The following RET variants were observed in gnomAD, a reference collection of about 807,000 sequenced individuals.
The protein encoded by RET is ret proto-oncogene.
Under a neutral mutation model 118.3 loss-of-function variants are expected in RET, and 19 were observed. The observed-to-expected ratio is 0.16, with a 90% CI of 0.11 to 0.24. RET has a LOEUF of 0.24. Ranked by LOEUF, RET falls within the 10% of genes least tolerant of loss-of-function variation. The probability of loss-of-function intolerance (pLI) is 1.00; values close to 1 mark genes in which losing one functional copy is unlikely to be tolerated. For missense variants in RET, 1,219 were observed against 1,502.1 expected, an observed-to-expected ratio of 0.81 and a Z score of 3.12; for synonymous variants, 597 against 644.1, an observed-to-expected ratio of 0.93 and a Z score of 1.11.
In RET at chr10:43,119,514, C is replaced by T. The variant is rs1370176408; in HGVS notation, c.2393-17C>T. On this transcript the variant is annotated splice_polypyrimidine_tract_variant and intron_variant, in intron 13 of 19. Coordinates refer to ENST00000355710, the MANE Select transcript of RET (RefSeq NM_020975.6). ...TGCCTGACCCGCACGCCCAGGGCCC[C>T]CTCTCTCCGCCCCCAGGCCCGCTCC... The T allele has an allele frequency of 6.3e-7, 1 of 1,583,770 alleles. No homozygotes were observed. The highest frequency in any genetic ancestry group is 1.3e-5 in the African/African-American group (1 of 74,210).
chr10:43,087,250 C>A (rs1223868219), intron 1 of RET, among the ~76,000 whole-genome samples: 2 of 152,262 alleles, frequency 1.3e-5, no homozygotes, highest in South Asian at 4.1e-4. Context: ...GCTGCTCTTC[C>A]AGCTACTGGC....
chr10:43,078,864 C>T (rs951861306), intron 1 of RET, among the ~76,000 whole-genome samples: 1 of 152,236 alleles, frequency 6.6e-6, no homozygotes, highest in Non-Finnish European at 1.5e-5. Context: ...GATGGTGAGC[C>T]CCTAGCCCCT....
rs1554817349 is a variant in RET at position 43,100,454 on chromosome 10, C to T, written c.74-5C>T. ...ATCCCTCACTCACTTCCCTACTTCCCACAGTGGCATTGGGCCTCTACTTCT... is the reference window on the plus strand; with the variant it reads ...ATCCCTCACTCACTTCCCTACTTCCTACAGTGGCATTGGGCCTCTACTTCT... On this transcript the variant is annotated splice_polypyrimidine_tract_variant and splice_region_variant and intron_variant, in intron 1 of 19. Coordinates refer to ENST00000355710, the MANE Select transcript of RET (RefSeq NM_020975.6). The T allele has an allele frequency of 6.2e-7, 1 of 1,613,498 alleles. No individual in the cohort carries two copies. The highest frequency in any genetic ancestry group is 8.5e-7 in the Non-Finnish European group (1 of 1,179,976).
intron 19 of RET, 198 bp downstream of exon 19, chr10:43,126,920 T>C (rs2075913): frequency 2.8e-6 from 4 of 1,436,540 alleles, no homozygotes; most frequent in South Asian, 1.5e-5. Flanking sequence ...TCTAAAAGGA[T>C]GTGAAAATAA....
chr10:43,111,384 C>G lies in RET; in HGVS notation c.1441C>G (p.Leu481Val), dbSNP rs767210575. The G allele has an allele frequency of 1.2e-5, 19 of 1,614,026 alleles. No individual in the cohort carries two copies. In the East Asian group the frequency reaches 3.1e-4, roughly 27 times the overall value. ...CCTGCGGCGGCCCAAGTGTGCCGAA[C>G]TTCACTACATGGTGGTGGCCACCGA... is the stretch of plus-strand genomic sequence containing the variant. ...KALRRPKCAE[L>V]HYMVVATDQQ... Residue 481 changes from leucine to valine, a missense_variant, in exon 7 of 20, where the codon CTT becomes GTT. By Grantham distance (32) the Leu-to-Val change is conservative. Coordinates refer to ENST00000355710, the MANE Select transcript of RET (RefSeq NM_020975.6).
Position 43,129,475 on chromosome 10 carries a change from CAT to C in RET, c.*1208_*1209del, listed in dbSNP as rs1371914926. 1 of 234,142 alleles carries C rather than the reference CAT, an allele frequency of 4.3e-6. No individual in the cohort carries two copies. Among genetic ancestry groups the C allele is most frequent in the Admixed American group, 5.6e-5 (1 of 17,788 alleles). 14.5% of individuals were successfully genotyped at this position (234,142 alleles called of 1,614,324 possible). A position where few individuals can be genotyped will look rare whatever the true frequency, so the allele number is the denominator to read the frequency against. On this transcript the variant is annotated 3_prime_UTR_variant, in exon 20 of 20. Transcript: ENST00000355710. ...TGTTTCTTAGATTCTGACCATGACT[CAT>C]AAGCTTCTTGTCATTCTTCATTGCT...
chr10:43,084,914 AG>A (rs1051160927), intron 1 of RET, among the ~76,000 whole-genome samples: 1 of 152,208 alleles, frequency 6.6e-6, no homozygotes, highest in African/African-American at 2.4e-5. Flanking sequence ...ACTCAGCAGC[AG>A]GGGAACCAGG....
intron 1 of RET, among the ~76,000 whole-genome samples, chr10:43,079,339 G>A (rs1837126546): frequency 6.6e-6 from 1 of 152,176 alleles, no homozygotes; most frequent in African/African-American, 2.4e-5. Flanking sequence ...TACACACAGG[G>A]ACGCCACGTG....
At chr10:43,109,504 TG>T (rs1379586088) in intron 6 of RET, among the ~76,000 whole-genome samples, 2 of 152,180 alleles carry the variant, frequency 1.3e-5, no homozygotes, top group African/African-American at 4.8e-5. Flanking sequence ...AGAGCAATAC[TG>T]GGTAAATCTG....
At chr10:43,120,927 CAAA>C (rs1389635076) in intron 15 of RET, among the ~76,000 whole-genome samples, 1 of 75,110 alleles carries the variant, frequency 1.3e-5, no homozygotes, top group African/African-American at 7.2e-5. Context: ...AGACCCTGCT[CAAA>C]AAAGAAGAAG....
chr10:43,115,990 T>C (rs979636269), intron 11 of RET, among the ~76,000 whole-genome samples: 3 of 152,148 alleles, frequency 2.0e-5, no homozygotes, highest in African/African-American at 7.2e-5. Flanking sequence ...ATGGCAGGCT[T>C]TGGCCTCCCT....
At chr10:43,116,292 G>A (rs868269915) in intron 11 of RET, among the ~76,000 whole-genome samples, 40 of 152,326 alleles carry the variant, frequency 2.6e-4, no homozygotes, top group African/African-American at 9.6e-4. Context: ...TGCTCATTTA[G>A]TCCTGGGGCA....
At position 43,092,342 on chromosome 10, in the gene RET, G is replaced by A. The variant is rs1438212615; in HGVS notation, c.74-8117G>A. Among the ~76,000 whole-genome samples the A allele has an allele frequency of 3.9e-5, 6 of 152,186 alleles. No individual in the cohort carries two copies. In the East Asian group the frequency reaches 1.2e-3, roughly 29 times the overall value. On this transcript the variant is annotated intron_variant, in intron 1 of 19. Transcript: ENST00000355710. Reference sequence around the variant, plus strand: ...AGAGGAGGGGGAGTAATTGTCTCATGGGTACAGAATTTCAGTTTTACAGGA... The same window carrying A: ...AGAGGAGGGGGAGTAATTGTCTCATAGGTACAGAATTTCAGTTTTACAGGA...
chr10:43,119,386 G>A, intron 13 of RET, 145 bp from the exon 14 acceptor site: 1 of 652,542 alleles, frequency 1.5e-6, no homozygotes, highest in Non-Finnish European at 2.7e-6. Flanking sequence ...CAGAGCTGCA[G>A]CAGTGCTGCC....
chr10:43,111,610 A>G (rs1433658796), intron 7 of RET, 145 bp downstream of exon 7: 2 of 909,916 alleles, frequency 2.2e-6, no homozygotes, highest in Admixed American at 2.8e-5. Flanking sequence ...TGAGTGACCC[A>G]GCAGTAAATG....
intron 1 of RET, among the ~76,000 whole-genome samples, chr10:43,099,513 AAAATAAATAAATAAATAAATAAAT>A (rs751291577): frequency 1.4e-5 from 2 of 146,290 alleles, no homozygotes; most frequent in African/African-American, 5.1e-5. Flanking sequence ...CTCCATCTCA[AAAATAAATAAATAAATAAATAAAT>A]AAATAAATAA....
rs1202461304 is a variant in RET, at chr10:43,114,364, TCCC to T, written c.1880-115_1880-113del. 5.5e-6 allele frequency: 8 copies of T among 1,444,258 alleles called. No homozygotes were observed. Among genetic ancestry groups the T allele is most frequent in the Non-Finnish European group, 7.6e-6 (8 of 1,058,060 alleles). The allele number at this position is 1,444,258 out of a possible 1,614,324, so 89.5% of individuals were successfully genotyped here. On this transcript the variant is annotated intron_variant, in intron 10 of 19. Transcript: ENST00000355710. The surrounding 1 kb of genome is among the most constrained non-coding windows in gnomAD (Gnocchi z 4.6). ...GCCTTCCCACACCTCCATGGCCACT[TCCC>T]AGCTGGCGCGGACACGGCAGGCTGG... is the stretch of plus-strand genomic sequence containing the variant.
intron 14 of RET, 120 bp from the exon 15 acceptor site, chr10:43,119,961 C>G: frequency 6.8e-7 from 1 of 1,477,732 alleles, no homozygotes; most frequent in Admixed American, 1.9e-5. Context: ...ACCCCCGGCC[C>G]AGGTCTCACC....
intron 13 of RET, among the ~76,000 whole-genome samples, chr10:43,119,320 A>C (rs530961305): frequency 6.6e-6 from 1 of 152,300 alleles, no homozygotes; most frequent in Admixed American, 6.5e-5. Flanking sequence ...GAGCAGCAGG[A>C]GGCAGAGAGC....
Sources: gnomAD v4.1 joint callset for allele counts (sites outside exome capture counted in the v4.1 genomes callset) on GRCh38, gnomAD v4.1.1 for gene constraint, Gnocchi (gnomAD v3.1) non-coding constraint, MANE v1.5 for transcripts, NCBI Gene and HGNC (gene_info 2026-07-23, HGNC 2026-07-21) for gene names.